The following RGS7 variants were observed in gnomAD, a reference collection of about 807,000 sequenced individuals.
RGS7 encodes the protein regulator of G-protein signaling 7.
A neutral mutation model predicts 81.1 loss-of-function variants in RGS7; 27 were observed. The ratio of observed to expected loss-of-function variants is 0.33; its 90% CI spans 0.25 to 0.46. The LOEUF (loss-of-function observed/expected upper bound fraction) is 0.46, where lower values mean the gene tolerates loss of function less well. Ranked by LOEUF, RGS7 falls within the 20% of genes least tolerant of loss-of-function variation. RGS7 has a pLI of 1.00. For synonymous variants in RGS7, 208 were observed against 207.7 expected, an observed-to-expected ratio of 1.00 and a Z score of -0.01; for missense variants, 396 against 607.4, an observed-to-expected ratio of 0.65 and a Z score of 3.66.
intron 2 of RGS7, among the ~76,000 whole-genome samples, chr1:241,284,727 T>G (rs530669023): frequency 1.3e-5 from 2 of 152,204 alleles, no homozygotes; most frequent in Admixed American, 1.3e-4. Context: ...AACCCCATTA[T>G]AGCTTGTGAA....
chr1:241,238,677 C>T (rs900584413), intron 2 of RGS7, among the ~76,000 whole-genome samples: 2 of 152,094 alleles, frequency 1.3e-5, no homozygotes, highest in Admixed American at 1.3e-4. Flanking sequence ...TAGGATTACA[C>T]ATGTGTGTCA....
intron 2 of RGS7, among the ~76,000 whole-genome samples, chr1:241,277,426 T>G (rs965708580): frequency 9.9e-5 from 15 of 152,248 alleles, no homozygotes; most frequent in Non-Finnish European, 1.8e-4. Flanking sequence ...GAGACCATCC[T>G]GGCTAACATG....
intron 3 of RGS7, among the ~76,000 whole-genome samples, chr1:241,008,415 C>T (rs2058785320): frequency 1.3e-5 from 2 of 152,058 alleles, no homozygotes; most frequent in South Asian, 4.1e-4. Flanking sequence ...ATTCAGTAAA[C>T]CTGGGTTGGG....
chr1:240,800,783 A>G, intron 17 of RGS7, 62 bp from the exon 18 acceptor site: 1 of 920,810 alleles, frequency 1.1e-6, no homozygotes, highest in Non-Finnish European at 1.7e-6. Context: ...AAAGTTCCAA[A>G]GGCACTGGCA....
intron 6 of RGS7, among the ~76,000 whole-genome samples, chr1:240,884,890 G>A (rs1482724638): frequency 6.6e-6 from 1 of 152,092 alleles, no homozygotes; most frequent in Non-Finnish European, 1.5e-5. Flanking sequence ...CAACAAAAGC[G>A]AAAATTGACA....
chr1:241,259,254 C>T (rs1197356701), intron 2 of RGS7, among the ~76,000 whole-genome samples: 1 of 152,008 alleles, frequency 6.6e-6, no homozygotes, highest in Non-Finnish European at 1.5e-5. Flanking sequence ...AGGCATTATC[C>T]TATCTTCAAG....
chr1:240,978,129 C>T (rs984709341), intron 4 of RGS7, among the ~76,000 whole-genome samples: 3 of 152,112 alleles, frequency 2.0e-5, no homozygotes, highest in African/African-American at 4.8e-5. Flanking sequence ...AAAGTGGAGA[C>T]GATCCCACTG....
chr1:241,251,230 T>G (rs924288960), intron 2 of RGS7, among the ~76,000 whole-genome samples: 2 of 152,202 alleles, frequency 1.3e-5, no homozygotes, highest in African/African-American at 4.8e-5. Context: ...ATTTTTGTGT[T>G]TGGTGCTAAT....
At chr1:240,976,555 T>C (rs1684090428) in intron 4 of RGS7, among the ~76,000 whole-genome samples, 1 of 152,176 alleles carries the variant, frequency 6.6e-6, no homozygotes, top group Admixed American at 6.5e-5. Context: ...CTTCATCCCA[T>C]CAGCTGAAGG....
intron 3 of RGS7, among the ~76,000 whole-genome samples, chr1:241,077,351 A>G (rs1442518432): frequency 6.6e-6 from 1 of 152,206 alleles, no homozygotes; most frequent in African/African-American, 2.4e-5. Flanking sequence ...GATGACACAA[A>G]AATGGCTAAC....
At chr1:241,196,913 T>C (rs574455507) in intron 2 of RGS7, among the ~76,000 whole-genome samples, 215 of 147,294 alleles carry the variant, frequency 1.5e-3, no homozygotes, top group Middle Eastern at 7.2e-3. Context: ...AATACAATGG[T>C]AAAAGAATGT....
At chr1:240,886,568 C>T (rs1039710278) in intron 6 of RGS7, among the ~76,000 whole-genome samples, 1 of 152,100 alleles carries the variant, frequency 6.6e-6, no homozygotes, top group South Asian at 2.1e-4. Context: ...GATTCCTTCC[C>T]ATTCCCACTC....
At chr1:241,026,742 T>A (rs1215873778) in intron 3 of RGS7, among the ~76,000 whole-genome samples, 1 of 151,918 alleles carries the variant, frequency 6.6e-6, no homozygotes, top group Non-Finnish European at 1.5e-5. Context: ...ATAAATAAAA[T>A]CATTCTAGAT....
At chr1:240,892,020 T>A (rs888608292) in intron 6 of RGS7, among the ~76,000 whole-genome samples, 53 of 152,288 alleles carry the variant, frequency 3.5e-4, no homozygotes, top group Admixed American at 2.2e-3. Context: ...GACGGGAGGA[T>A]CTTATCATCA....
At chr1:240,965,437 G>A (rs867504758) in intron 4 of RGS7, among the ~76,000 whole-genome samples, 2 of 152,290 alleles carry the variant, frequency 1.3e-5, no homozygotes, top group Middle Eastern at 3.4e-3. Flanking sequence ...GTACAGAAGT[G>A]TCCCCAACCA....
chr1:241,356,698 C>T (rs2083597545), intron 1 of RGS7, among the ~76,000 whole-genome samples: 1 of 151,116 alleles, frequency 6.6e-6, no homozygotes, highest in Non-Finnish European at 1.5e-5. Context: ...CGGCGGCCGC[C>T]GGAGCCGGGC....
At chr1:241,351,433 A>AG (rs1173223982) in intron 2 of RGS7, among the ~76,000 whole-genome samples, 1 of 151,198 alleles carries the variant, frequency 6.6e-6, no homozygotes, top group Admixed American at 6.6e-5. Flanking sequence ...TAAAAAAAAA[A>AG]AAAATAGAAT....
intron 9 of RGS7, among the ~76,000 whole-genome samples, chr1:240,853,206 G>A (rs1660423770): frequency 6.6e-6 from 1 of 152,064 alleles, no homozygotes; most frequent in African/African-American, 2.4e-5. Flanking sequence ...TGTCTGTCTT[G>A]GAGAATGTAT....
At chr1:241,098,889 A>G (rs1162602311) in intron 2 of RGS7, 127 bp from the exon 3 acceptor site, 2 of 703,816 alleles carry the variant, frequency 2.8e-6, no homozygotes, top group African/African-American at 3.6e-5. Context: ...TTGCCTTTCT[A>G]GTTTTTGCCA....
Sources: gnomAD v4.1 joint callset for allele counts (sites outside exome capture counted in the v4.1 genomes callset) on GRCh38, gnomAD v4.1.1 for gene constraint, MANE v1.5 for transcripts, NCBI Gene and HGNC (gene_info 2026-07-23, HGNC 2026-07-21) for gene names.